CABP2: variants seen among roughly 807,000 people sequenced by gnomAD.
The protein encoded by CABP2 is calcium-binding protein 2.
A neutral mutation model predicts 28.6 loss-of-function variants in CABP2; 25 were observed. The observed-to-expected ratio is 0.87, with a 90% CI of 0.64 to 1.22. The LOEUF is 1.22. CABP2 is among the 50% of genes most tolerant of loss of function. CABP2 has a pLI of 0.00. For missense variants in CABP2, 310 were observed against 312.2 expected, an observed-to-expected ratio of 0.99 and a Z score of 0.05; for synonymous variants, 138 against 126.0, an observed-to-expected ratio of 1.09 and a Z score of -0.64.
At position 67,519,142 on chromosome 11, in the gene CABP2, C is replaced by T; in HGVS notation, c.660G>A (p.Arg220=). The T allele has an allele frequency of 6.2e-7, 1 of 1,614,088 alleles. No homozygotes were observed. The highest frequency in any genetic ancestry group is 1.1e-5 in the South Asian group (1 of 91,084). The change falls in exon 7 of 7, where the codon CGG becomes CGA. Residue 220 remains arginine (R), a synonymous_variant. Transcript: ENST00000294288. ...DFEEFVRMMS[R] ...TGCCTCCAGCTTCTGTACAGGCTCACCGAGACATCATTCGCACAAACTCTG... is the reference window on the plus strand; with the variant it reads ...TGCCTCCAGCTTCTGTACAGGCTCATCGAGACATCATTCGCACAAACTCTG...
At position 67,521,177 on chromosome 11, in the gene CABP2, G is replaced by T; in HGVS notation, c.245-18C>A. On this transcript the variant is annotated intron_variant, in intron 3 of 6. Coordinates refer to ENST00000294288, the MANE Select transcript of CABP2 (RefSeq NM_016366.3). ...CTGCAGCTCTGCCAGGCAGGGTGGG[G>T]TCAGTCCTTCCCCCACAACCCCCTG... The T allele has an allele frequency of 6.2e-7, 1 of 1,608,790 alleles. No individual in the cohort carries two copies.
intron 6 of CABP2, among the ~76,000 whole-genome samples, chr11:67,519,451 G>A (rs1866709595): frequency 6.6e-6 from 1 of 152,210 alleles, no homozygotes; most frequent in East Asian, 1.9e-4. Flanking sequence ...TTTCCACATA[G>A]TAATTTTCCT....
At position 67,520,178 on chromosome 11, in the gene CABP2, T is replaced by A; in HGVS notation, c.380-18A>T. The A allele has an allele frequency of 6.4e-7, 1 of 1,564,956 alleles. No individual in the cohort carries two copies. Among genetic ancestry groups the A allele is most frequent in the Non-Finnish European group, 8.8e-7 (1 of 1,135,722 alleles). ...TCCGCCACCTGGGGGTCCCGTCCAT[T>A]ACAGACCCAGGGCATCAGAGACCCC... On this transcript the variant is annotated intron_variant, in intron 4 of 6. Coordinates refer to ENST00000294288, the MANE Select transcript of CABP2 (RefSeq NM_016366.3).
Position 67,523,441 on chromosome 11 carries a change from A to G in CABP2, c.-115T>C. 9.2e-7 allele frequency: 1 copy of G among 1,092,460 alleles called. No individual in the cohort carries two copies. Among genetic ancestry groups the G allele is most frequent in the Non-Finnish European group, 1.1e-6 (1 of 878,074 alleles). The allele number at this position is 1,092,460 out of a possible 1,614,324, so 67.7% of individuals were successfully genotyped here. ...CAGCTGCTCCCGATGAGAGCCTGGG[A>G]GTACTGCCGGGGATTTTCCTGGGGT... On this transcript the variant is annotated 5_prime_UTR_variant, in exon 1 of 7. Transcript: ENST00000294288.
At chr11:67,521,717 G>A (rs112250583) in intron 3 of CABP2, among the ~76,000 whole-genome samples, 7 of 152,310 alleles carry the variant, frequency 4.6e-5, no homozygotes, top group African/African-American at 1.7e-4. Context: ...AAGGGGCCCT[G>A]TCACCTGCCT....
In CABP2 at chr11:67,519,175, G is replaced by T. The variant is rs776598067; in HGVS notation, c.638-11C>A. 6.2e-7 allele frequency: 1 copy of T among 1,614,004 alleles called. No individual in the cohort carries two copies. Among genetic ancestry groups the T allele is most frequent in the Non-Finnish European group, 8.5e-7 (1 of 1,180,000 alleles). On this transcript the variant is annotated splice_polypyrimidine_tract_variant and intron_variant, in intron 6 of 6. Coordinates refer to ENST00000294288, the MANE Select transcript of CABP2 (RefSeq NM_016366.3). The stretch of plus-strand genomic sequence containing the variant: ...TCATTCGCACAAACTCTGCCAGGAC[G>T]AAGCCAAGGTTTTGGGTCTGTTCTC...
At chr11:67,520,881 CAG>C in intron 4 of CABP2, 142 bp downstream of exon 4, 1 of 843,866 alleles carries the variant, frequency 1.2e-6, no homozygotes, top group Non-Finnish European at 1.9e-6. Context: ...TCTCCAGAGG[CAG>C]AGAGCTTGCC....
intron 4 of CABP2, 72 bp from the exon 5 acceptor site, chr11:67,520,232 C>G (rs941741867): frequency 1.8e-4 from 167 of 916,530 alleles, no homozygotes; most frequent in Middle Eastern, 2.1e-4. Flanking sequence ...CCTCCTCTGC[C>G]CTCTGCCTTC....
Position 67,521,173 on chromosome 11 carries a change from T to A in CABP2, c.245-14A>T. 1 of 1,609,698 alleles carries A rather than the reference T, an allele frequency of 6.2e-7. No individual in the cohort carries two copies. The highest frequency in any genetic ancestry group is 8.5e-7 in the Non-Finnish European group (1 of 1,179,528). Reference sequence around the variant, plus strand: ...CGACCTGCAGCTCTGCCAGGCAGGGTGGGGTCAGTCCTTCCCCCACAACCC... The same window carrying A: ...CGACCTGCAGCTCTGCCAGGCAGGGAGGGGTCAGTCCTTCCCCCACAACCC... On this transcript the variant is annotated splice_polypyrimidine_tract_variant and intron_variant, in intron 3 of 6. Coordinates refer to ENST00000294288, the MANE Select transcript of CABP2 (RefSeq NM_016366.3).
chr11:67,521,866 C>CCCGG, intron 3 of CABP2, 86 bp downstream of exon 3: 8 of 656,262 alleles, frequency 1.2e-5, no homozygotes, highest in Admixed American at 5.1e-5. Flanking sequence ...GGCCCCCACC[C>CCCGG]GATGCCCCCC....
chr11:67,521,628 G>A (rs192278162), intron 3 of CABP2, among the ~76,000 whole-genome samples: 1 of 152,292 alleles, frequency 6.6e-6, no homozygotes, highest in Non-Finnish European at 1.5e-5. Context: ...CTGTCTAGCT[G>A]GCCATGTTTC....
At chr11:67,522,010 C>T (rs775919990) in intron 2 of CABP2, 28 bp from the exon 3 acceptor site, 2 of 1,606,990 alleles carry the variant, frequency 1.2e-6, no homozygotes, top group African/African-American at 1.3e-5. Context: ...GTTAGGAATT[C>T]CCTGCTCCTA....
At chr11:67,519,729 T>C in intron 6 of CABP2, 64 bp downstream of exon 6, 1 of 1,545,106 alleles carries the variant, frequency 6.5e-7, no homozygotes, top group Non-Finnish European at 8.9e-7. Flanking sequence ...TGACTCTTGC[T>C]GTGCGGTTTC....
Position 67,519,023 on chromosome 11 carries a change from TG to T in CABP2, c.*115del. On this transcript the variant is annotated 3_prime_UTR_variant, in exon 7 of 7. Coordinates refer to ENST00000294288, the MANE Select transcript of CABP2 (RefSeq NM_016366.3). ...GGCAGGCAAGGGCACTGCACACAGG[TG>T]GGATGGGGAGGAAAGGAGGGTCCCC... 1.8e-6 allele frequency: 2 copies of T among 1,098,016 alleles called. No individual in the cohort carries two copies. The highest frequency in any genetic ancestry group is 2.8e-6 in the Non-Finnish European group (2 of 723,992). 68.0% of individuals were successfully genotyped at this position (1,098,016 alleles called of 1,614,324 possible). A position where few individuals can be genotyped will look rare whatever the true frequency, so the allele number is the denominator to read the frequency against.
At chr11:67,523,150 A>C in intron 1 of CABP2, 135 bp downstream of exon 1, 1 of 685,968 alleles carries the variant, frequency 1.5e-6, no homozygotes, top group South Asian at 2.0e-5. Context: ...TGTGGCTTCC[A>C]GGAAAAAAAT....
At position 67,523,047 on chromosome 11, in the gene CABP2, G is replaced by T. The variant is rs370681347; in HGVS notation, c.42+238C>A. On this transcript the variant is annotated intron_variant, in intron 1 of 6. Coordinates refer to ENST00000294288, the MANE Select transcript of CABP2 (RefSeq NM_016366.3). ...AGCAGAGAGCGGGGACCTGCAGCCG[G>T]GATGGGGCAGCTGGACGGGCAGCTG... Among the ~76,000 whole-genome samples the T allele has an allele frequency of 2.2e-4, 33 of 152,340 alleles. No individual in the cohort carries two copies. In the East Asian group the frequency reaches 2.5e-3, roughly 12 times the overall value.
Position 67,522,729 on chromosome 11 carries a change from C to G in CABP2, c.43-13G>C, listed in dbSNP as rs780210730. ...ACTGCAAGGGGTCCTGCAGCAGAGC[C>G]GGCCGTGAGCTGGGGCAGTGGCCGC... On this transcript the variant is annotated splice_polypyrimidine_tract_variant and intron_variant, in intron 1 of 6. Transcript: ENST00000294288. 4 of 1,467,796 alleles carry G rather than the reference C, an allele frequency of 2.7e-6. No homozygotes were observed. Among genetic ancestry groups the G allele is most frequent in the South Asian group, 2.7e-5 (2 of 72,918 alleles). The allele number at this position is 1,467,796 out of a possible 1,614,324, so 90.9% of individuals were successfully genotyped here. A position where few individuals can be genotyped will look rare whatever the true frequency, so the allele number is the denominator to read the frequency against.
intron 6 of CABP2, 70 bp from the exon 7 acceptor site, chr11:67,519,234 C>A: frequency 1.3e-6 from 2 of 1,557,360 alleles, no homozygotes; most frequent in Non-Finnish European, 1.8e-6. Context: ...CATCTGCAGG[C>A]CTTGGGGCGG....
intron 2 of CABP2, 60 bp downstream of exon 2, chr11:67,522,486 G>A: frequency 2.0e-6 from 3 of 1,530,376 alleles, no homozygotes; most frequent in Non-Finnish European, 2.7e-6. Context: ...GGCAAGGGCA[G>A]GTGAGCTGGT....
Sources: allele counts gnomAD v4.1 joint callset (sites outside exome capture counted in the v4.1 genomes callset), GRCh38; gene constraint gnomAD v4.1.1; transcripts MANE v1.5; gene names NCBI Gene and HGNC (gene_info 2026-07-23, HGNC 2026-07-21).